Variants in UNC5D observed in about 807,000 individuals in gnomAD.
UNC5D encodes unc-5 netrin receptor D.
A neutral mutation model predicts 105.4 loss-of-function variants in UNC5D; 39 were observed. The observed-to-expected ratio is 0.37, with a 90% CI of 0.29 to 0.48. UNC5D has a LOEUF of 0.48. Ranked by LOEUF, UNC5D falls within the 20% of genes least tolerant of loss-of-function variation. UNC5D has a pLI of 0.98. For synonymous variants in UNC5D, 452 were observed against 450.4 expected, an observed-to-expected ratio of 1.00 and a Z score of -0.04; for missense variants, 991 against 1,202.4, an observed-to-expected ratio of 0.82 and a Z score of 2.60.
chr8:35,271,660 TTTATACAGGTATACATATATATGTATAC>T (rs1805354659), intron 1 of UNC5D, among the ~76,000 whole-genome samples: 1 of 132,232 alleles, frequency 7.6e-6, no homozygotes, highest in Admixed American at 7.8e-5. Flanking sequence ...TATACCTATA[TTTATACAGGTATACATATATATGTATAC>T]ATGTATACAT....
At chr8:35,700,416 G>C (rs1827109084) in intron 7 of UNC5D, among the ~76,000 whole-genome samples, 2 of 151,844 alleles carry the variant, frequency 1.3e-5, no homozygotes, top group Admixed American at 1.3e-4. Context: ...GATTTTTAAA[G>C]TATAAAATAT....
intron 1 of UNC5D, among the ~76,000 whole-genome samples, chr8:35,422,331 C>A (rs1805967922): frequency 6.6e-6 from 1 of 152,158 alleles, no homozygotes; most frequent in Non-Finnish European, 1.5e-5. Context: ...CATTGGGAGA[C>A]CATTTTCTCA....
At chr8:35,402,991 T>G (rs755787091) in intron 1 of UNC5D, among the ~76,000 whole-genome samples, 1 of 152,138 alleles carries the variant, frequency 6.6e-6, no homozygotes, top group Admixed American at 6.5e-5. Flanking sequence ...CTCTCCAGTA[T>G]CATGGTCAAA....
At chr8:35,319,744 T>C (rs1382063234) in intron 1 of UNC5D, among the ~76,000 whole-genome samples, 1 of 151,932 alleles carries the variant, frequency 6.6e-6, no homozygotes, top group Non-Finnish European at 1.5e-5. Context: ...TCCTCCAGAG[T>C]TGTCATGTTC....
intron 4 of UNC5D, among the ~76,000 whole-genome samples, chr8:35,661,710 T>C (rs574096817): frequency 1.3e-5 from 2 of 152,326 alleles, no homozygotes; most frequent in African/African-American, 4.8e-5. Flanking sequence ...GGAGAAAAGC[T>C]TCTATCTAGT....
intron 4 of UNC5D, among the ~76,000 whole-genome samples, chr8:35,653,010 A>G (rs538391657): frequency 7.0e-6 from 1 of 141,946 alleles, no homozygotes; most frequent in East Asian, 2.0e-4. Flanking sequence ...GCTTACTGCA[A>G]CCTCCGCCTC....
intron 4 of UNC5D, among the ~76,000 whole-genome samples, chr8:35,660,431 G>C (rs577528875): frequency 8.5e-5 from 13 of 152,138 alleles, no homozygotes; most frequent in Non-Finnish European, 1.8e-4. Context: ...GGTATTTAAT[G>C]TTGCCACATG....
At chr8:35,241,831 A>G (rs1428519298) in intron 1 of UNC5D, among the ~76,000 whole-genome samples, 2 of 152,186 alleles carry the variant, frequency 1.3e-5, no homozygotes, top group East Asian at 3.8e-4. Flanking sequence ...TCTTTATGCT[A>G]GAAACATTTG....
chr8:35,703,331 G>T (rs1301459321), intron 7 of UNC5D, among the ~76,000 whole-genome samples: 1 of 152,130 alleles, frequency 6.6e-6, no homozygotes, highest in Non-Finnish European at 1.5e-5. Context: ...TTAATCAACA[G>T]TAGCAACTTT....
intron 1 of UNC5D, among the ~76,000 whole-genome samples, chr8:35,404,586 A>G (rs752704674): frequency 1.3e-5 from 2 of 151,946 alleles, no homozygotes; most frequent in African/African-American, 4.8e-5. Flanking sequence ...AAGATTTCCC[A>G]TGTGATTTTT....
At chr8:35,607,769 T>G (rs1179924646) in intron 4 of UNC5D, among the ~76,000 whole-genome samples, 1 of 152,078 alleles carries the variant, frequency 6.6e-6, no homozygotes, top group Non-Finnish European at 1.5e-5. Context: ...AAGAGGTACC[T>G]TGCTTCCCCT....
intron 1 of UNC5D, among the ~76,000 whole-genome samples, chr8:35,338,982 T>C (rs1357253841): frequency 6.6e-6 from 1 of 152,192 alleles, no homozygotes; most frequent in Non-Finnish European, 1.5e-5. Context: ...TATCACTTCA[T>C]AGGAGATACC....
chr8:35,530,517 T>C (rs1417687357), intron 1 of UNC5D, among the ~76,000 whole-genome samples: 2 of 32,996 alleles, frequency 6.1e-5, no homozygotes, highest in African/African-American at 2.0e-4. Flanking sequence ...CTTTTTTGGT[T>C]GTGTCTCTGC....
At chr8:35,334,076 A>T (rs1458385457) in intron 1 of UNC5D, among the ~76,000 whole-genome samples, 2 of 152,208 alleles carry the variant, frequency 1.3e-5, no homozygotes, top group Non-Finnish European at 2.9e-5. Flanking sequence ...TTTTAACTTT[A>T]TATGCAGTGT....
At chr8:35,762,849 C>A (rs1006516127) in intron 14 of UNC5D, among the ~76,000 whole-genome samples, 35 of 152,302 alleles carry the variant, frequency 2.3e-4, no homozygotes, top group Admixed American at 2.6e-4. Context: ...GTCTTTCCAG[C>A]ATGCTATGTA....
At chr8:35,757,560 C>G (rs1830569223) in intron 13 of UNC5D, among the ~76,000 whole-genome samples, 1 of 152,146 alleles carries the variant, frequency 6.6e-6, no homozygotes, top group Admixed American at 6.6e-5. Flanking sequence ...TTCTTAACCT[C>G]CTAGGCATTC....
At chr8:35,367,279 C>CAT (rs1802172140) in intron 1 of UNC5D, among the ~76,000 whole-genome samples, 1 of 152,168 alleles carries the variant, frequency 6.6e-6, no homozygotes, top group African/African-American at 2.4e-5. Context: ...TAAATTTTTA[C>CAT]CTTCTCTTCC....
At chr8:35,712,104 C>T (rs756825813) in intron 8 of UNC5D, among the ~76,000 whole-genome samples, 9 of 152,124 alleles carry the variant, frequency 5.9e-5, no homozygotes, top group African/African-American at 1.4e-4. Context: ...AACCCCATCT[C>T]TACTAAAAAT....
intron 1 of UNC5D, among the ~76,000 whole-genome samples, chr8:35,511,830 T>G (rs1812732961): frequency 1.3e-5 from 2 of 152,164 alleles, no homozygotes; most frequent in South Asian, 4.1e-4. Flanking sequence ...TGTAGCCACA[T>G]GGAGTAGGTT....
Sources: gnomAD v4.1 joint callset for allele counts (sites outside exome capture counted in the v4.1 genomes callset) on GRCh38, gnomAD v4.1.1 for gene constraint, MANE v1.5 for transcripts, NCBI Gene and HGNC (gene_info 2026-07-23, HGNC 2026-07-21) for gene names.